CNST: variants seen among roughly 807,000 people sequenced by gnomAD.
The protein encoded by CNST is consortin.
CNST carries 39 observed loss-of-function variants against 72.4 expected under a neutral mutation model. The observed-to-expected ratio is 0.54, with a 90% CI of 0.42 to 0.70. CNST has a LOEUF of 0.70. Ranked by LOEUF, CNST falls within the 30% of genes least tolerant of loss-of-function variation. CNST has a pLI of 0.00. For synonymous variants in CNST, 332 were observed against 320.1 expected (o/e 1.04, Z -0.40); for missense variants, 871 against 868.5 (o/e 1.00, Z -0.04).
rs6426315 is a variant in CNST, at chr1:246,652,855, C to A, written c.1836+4818C>A. Among the ~76,000 whole-genome samples the A allele has an allele frequency of 7.0e-5, 10 of 142,228 alleles. No homozygotes were observed. The East Asian group carries it at 1.0e-3, about 15-fold the overall frequency. 93.3% of individuals were successfully genotyped at this position (142,228 alleles called of 152,430 possible). A position where few individuals can be genotyped will look rare whatever the true frequency, so the allele number is the denominator to read the frequency against. ...CCGTCTCTACTAAAAATACAAAAAA[C>A]TAGCCGGGCGTGGTGGCGGGCGCCT... is the stretch of plus-strand genomic sequence containing the variant. On this transcript the variant is annotated intron_variant, in intron 9 of 10. Transcript: ENST00000366513.
rs35286882 is a variant in CNST at position 246,591,645 on chromosome 1, G to T, written c.83G>T (p.Ser28Ile). 6.2e-7 allele frequency: 1 copy of T among 1,614,086 alleles called. No homozygotes were observed. The highest frequency in any genetic ancestry group is 8.5e-7 in the Non-Finnish European group (1 of 1,180,052). The change falls in exon 2 of 11, where the codon AGT becomes ATT. Residue 28 changes from serine (S) to isoleucine (I), a missense_variant. Coordinates refer to ENST00000366513, the MANE Select transcript of CNST (RefSeq NM_152609.3). ...CATCCTGGTGACAGCGTGGAAAGGA[G>T]TGTGACCTGTCTGCCTTCTGCATCA... ...GCHPGDSVER[S>I]VTCLPSASDE...
chr1:246,647,715 G>T lies in CNST; in HGVS notation c.1514G>T (p.Gly505Val), dbSNP rs143506575. ...KSPQAQADSD[G>V]SENVLCGNNQ... ...CCACAGGCGCAGGCTGACTCAGACG[G>T]TTCTGAGAATGTGCTCTGTGGAAAT... The change falls in exon 9 of 11, where the codon GGT (glycine) becomes GTT (valine). Residue 505 changes from glycine (G) to valine (V), a missense_variant. Gly to Val is a moderately radical substitution (Grantham distance 109, BLOSUM62 -3). Coordinates refer to ENST00000366513, the MANE Select transcript of CNST (RefSeq NM_152609.3). The T allele has an allele frequency of 6.2e-7, 1 of 1,614,038 alleles. No homozygotes were observed. The highest frequency in any genetic ancestry group is 2.2e-5 in the East Asian group (1 of 44,892).
intron 2 of CNST, among the ~76,000 whole-genome samples, chr1:246,603,399 G>A (rs952219754): frequency 5.9e-5 from 9 of 152,032 alleles, no homozygotes; most frequent in Admixed American, 1.3e-4. Context: ...ACTGGATCAC[G>A]ATCTCTACAA....
rs1475657854 is a variant in CNST, at chr1:246,581,685, TTC to T, written c.-51-9825_-51-9824del. The stretch of plus-strand genomic sequence containing the variant: ...GGACATTGCATTTTACATTTTCCAT[TTC>T]TTATAAACTTTTACAAAAGCAATAT... On this transcript the variant is annotated intron_variant, in intron 1 of 10. Transcript: ENST00000366513. Among the ~76,000 whole-genome samples, 14 of 152,368 alleles carry T rather than the reference TTC, an allele frequency of 9.2e-5. No individual in the cohort carries two copies. The South Asian group carries it at 1.0e-3, about 11-fold the overall frequency.
intron 1 of CNST, among the ~76,000 whole-genome samples, chr1:246,585,861 C>T (rs1661144140): frequency 1.3e-5 from 2 of 151,968 alleles, no homozygotes; most frequent in Admixed American, 6.6e-5. Context: ...GGCAGGATCA[C>T]TTGAGGCCAA....
At chr1:246,598,984 G>A (rs1005532736) in intron 2 of CNST, among the ~76,000 whole-genome samples, 2 of 152,044 alleles carry the variant, frequency 1.3e-5, no homozygotes, top group African/African-American at 4.8e-5. Context: ...ACATTTCTTT[G>A]GACAATGACA....
rs1289928397 is a variant in CNST at position 246,652,870 on chromosome 1, G to C, written c.1836+4833G>C. Among the ~76,000 whole-genome samples the C allele has an allele frequency of 2.0e-5, 3 of 151,026 alleles. No homozygotes were observed. The South Asian group carries it at 6.3e-4, about 32-fold the overall frequency. On this transcript the variant is annotated intron_variant, in intron 9 of 10. Coordinates refer to ENST00000366513, the MANE Select transcript of CNST (RefSeq NM_152609.3). ...ATACAAAAAACTAGCCGGGCGTGGT[G>C]GCGGGCGCCTGTAGTCCCAGCTACT... is the stretch of plus-strand genomic sequence containing the variant.
chr1:246,595,908 AGTCAT>A (rs1377250697), intron 2 of CNST, among the ~76,000 whole-genome samples: 3 of 152,206 alleles, frequency 2.0e-5, no homozygotes, highest in African/African-American at 7.2e-5. Flanking sequence ...TGTCACTAAT[AGTCAT>A]GTCATTCCTA....
At position 246,652,953 on chromosome 1, in the gene CNST, G is replaced by T. The variant is rs565638268; in HGVS notation, c.1836+4916G>T. ...TGGGAGGCGGAGCTTGCAGTGAGCC[G>T]AGATTGCACCACTGCACTCCAGCCT... On this transcript the variant is annotated intron_variant, in intron 9 of 10. Transcript: ENST00000366513. 2.6e-5 allele frequency among the ~76,000 whole-genome samples: 4 copies of T among 150,994 alleles called. No individual in the cohort carries two copies. In the South Asian group the frequency reaches 8.4e-4, roughly 32 times the overall value.
At chr1:246,574,778 G>A (rs929274467) in intron 1 of CNST, among the ~76,000 whole-genome samples, 7 of 151,864 alleles carry the variant, frequency 4.6e-5, no homozygotes, top group Non-Finnish European at 5.9e-5. Context: ...AACAACCACA[G>A]CATCAGTTTG....
At chr1:246,577,071 G>C (rs138610028) in intron 1 of CNST, among the ~76,000 whole-genome samples, 9 of 152,090 alleles carry the variant, frequency 5.9e-5, no homozygotes, top group Admixed American at 2.0e-4. Context: ...CTTTTGACGG[G>C]ACATTGCCAA....
At chr1:246,572,372 T>G (rs1204535242) in intron 1 of CNST, among the ~76,000 whole-genome samples, 3 of 152,264 alleles carry the variant, frequency 2.0e-5, no homozygotes, top group Non-Finnish European at 4.4e-5. Flanking sequence ...GCTTATATTT[T>G]GATTTTTTGT....
At chr1:246,566,858 C>A in intron 1 of CNST, 195 bp downstream of exon 1, 1 of 392,908 alleles carries the variant, frequency 2.5e-6, no homozygotes, top group Non-Finnish European at 4.5e-6. Flanking sequence ...CCTTTCTCAG[C>A]TACTGTGGGT....
rs567712321 is a variant in CNST, at chr1:246,569,886, C to T, written c.-52+3223C>T. On this transcript the variant is annotated intron_variant, in intron 1 of 10. Transcript: ENST00000366513. ...GTCAAGGCACAGTATGAGTTTCTGTCGACTAAATTGTAGGGAGAACTTGAG... is the reference window on the plus strand; with the variant it reads ...GTCAAGGCACAGTATGAGTTTCTGTTGACTAAATTGTAGGGAGAACTTGAG... 22 of 961,348 alleles carry T rather than the reference C, an allele frequency of 2.3e-5. No homozygotes were observed. The East Asian group carries it at 1.8e-3, about 80-fold the overall frequency. 59.6% of individuals were successfully genotyped at this position (961,348 alleles called of 1,614,324 possible).
intron 2 of CNST, among the ~76,000 whole-genome samples, chr1:246,602,564 C>T (rs928213207): frequency 6.6e-6 from 1 of 152,234 alleles, no homozygotes; most frequent in Non-Finnish European, 1.5e-5. Flanking sequence ...ACCTGGAAGT[C>T]ATACTTTTTT....
chr1:246,633,795 A>T, intron 4 of CNST, 129 bp from the exon 5 acceptor site: 1 of 583,118 alleles, frequency 1.7e-6, no homozygotes, highest in Non-Finnish European at 3.1e-6. Flanking sequence ...GTTTAAATTT[A>T]AAAATATTTA....
In CNST at chr1:246,617,510, T is replaced by C. The variant is rs1271871989; in HGVS notation, c.380-3919T>C. 2.0e-5 allele frequency among the ~76,000 whole-genome samples: 3 copies of C among 152,248 alleles called. No individual in the cohort carries two copies. The East Asian group carries it at 5.8e-4, about 29-fold the overall frequency. ...TCAGGCTGAGACTTAGGGGCACTCCTGCTTTTGGCATGCACTGTCTCATTT... is the reference window on the plus strand; with the variant it reads ...TCAGGCTGAGACTTAGGGGCACTCCCGCTTTTGGCATGCACTGTCTCATTT... On this transcript the variant is annotated intron_variant, in intron 2 of 10. Transcript: ENST00000366513.
intron 3 of CNST, among the ~76,000 whole-genome samples, chr1:246,629,630 T>C (rs1487357082): frequency 6.6e-6 from 1 of 152,238 alleles, no homozygotes; most frequent in East Asian, 1.9e-4. Flanking sequence ...AGCCAGACAT[T>C]TTATTTTAAT....
At chr1:246,637,284 C>T (rs757600607) in intron 6 of CNST, among the ~76,000 whole-genome samples, 19 of 152,142 alleles carry the variant, frequency 1.2e-4, no homozygotes, top group Non-Finnish European at 1.9e-4. Context: ...GGGGCCTGTC[C>T]ACTTTGGTTG....
Sources: allele counts gnomAD v4.1 joint callset (sites outside exome capture counted in the v4.1 genomes callset), GRCh38; gene constraint gnomAD v4.1.1; transcripts MANE v1.5; gene names NCBI Gene and HGNC (gene_info 2026-07-23, HGNC 2026-07-21).